The following PAFAH1B1 variants were observed in gnomAD, a reference collection of about 807,000 sequenced individuals.
The protein encoded by PAFAH1B1 is platelet activating factor acetylhydrolase 1b regulatory subunit 1, also known as platelet-activating factor acetylhydrolase IB subunit beta.
Under a neutral mutation model 57.5 loss-of-function variants are expected in PAFAH1B1, and 2 were observed. The ratio of observed to expected loss-of-function variants is 0.03; its 90% CI spans 0.01 to 0.11. The LOEUF is 0.11. Among genes scored for constraint, PAFAH1B1 ranks in the 10% least tolerant of loss-of-function variants. The pLI, the probability that PAFAH1B1 is intolerant of heterozygous loss-of-function variation, is 1.00. For missense variants in PAFAH1B1, 257 were observed against 512.0 expected, an observed-to-expected ratio of 0.50 and a Z score of 4.81; for synonymous variants, 152 against 169.6, an observed-to-expected ratio of 0.90 and a Z score of 0.81.
intron 2 of PAFAH1B1, among the ~76,000 whole-genome samples, chr17:2,659,882 T>G (rs766097105): frequency 2.0e-5 from 3 of 152,164 alleles, no homozygotes; most frequent in Admixed American, 6.6e-5. Flanking sequence ...TTGATTGATA[T>G]CCTGTGGCTG....
chr17:2,645,660 C>G (rs1306429574), intron 2 of PAFAH1B1, among the ~76,000 whole-genome samples: 1 of 149,524 alleles, frequency 6.7e-6, no homozygotes, highest in Admixed American at 6.7e-5. Context: ...GTCCCCCAGG[C>G]TGGAGTGCAG....
At chr17:2,649,148 C>T (rs1032844210) in intron 2 of PAFAH1B1, among the ~76,000 whole-genome samples, 1 of 147,790 alleles carries the variant, frequency 6.8e-6, no homozygotes, top group African/African-American at 2.5e-5. Flanking sequence ...AACTGGGAGG[C>T]AGAGGCTGCA....
At position 2,655,183 on chromosome 17, in the gene PAFAH1B1, ATGTGTGTGTGTG is replaced by A. The variant is rs34493806; in HGVS notation, c.33-10167_33-10156del. Among the ~76,000 whole-genome samples the A allele has an allele frequency of 8.4e-3, 1,215 of 143,924 alleles. 20 individuals are homozygous for A. Among genetic ancestry groups the A allele is most frequent in the East Asian group, 0.036 (179 of 4,946 alleles). 94.4% of individuals were successfully genotyped at this position (143,924 alleles called of 152,430 possible). A position where few individuals can be genotyped will look rare whatever the true frequency, so the allele number is the denominator to read the frequency against. Reference sequence around the variant, plus strand: ...ATTTAAAAAATATATATATACATATATGTGTGTGTGTGTGTGTGTGTGTGTGTGTGTGTTTAT... The same window carrying A: ...ATTTAAAAAATATATATATACATATATGTGTGTGTGTGTGTGTGTGTTTAT... On this transcript the variant is annotated intron_variant, in intron 2 of 10. Coordinates refer to ENST00000397195, the MANE Select transcript of PAFAH1B1 (RefSeq NM_000430.4).
intron 1 of PAFAH1B1, among the ~76,000 whole-genome samples, chr17:2,623,025 G>C (rs1393113020): frequency 6.6e-6 from 1 of 152,178 alleles, no homozygotes; most frequent in Non-Finnish European, 1.5e-5. Context: ...CTGGGACACA[G>C]GGTACCAAGT....
chr17:2,675,758 T>C (rs569764709), intron 8 of PAFAH1B1, among the ~76,000 whole-genome samples: 181 of 152,222 alleles, frequency 1.2e-3, no homozygotes, highest in Non-Finnish European at 2.1e-3. Context: ...GGAAGATTGC[T>C]TGATCCCAGG....
chr17:2,665,323 A>G (rs757227702), intron 2 of PAFAH1B1, 49 bp from the exon 3 acceptor site: 5 of 983,438 alleles, frequency 5.1e-6, no homozygotes, highest in African/African-American at 1.6e-5. Flanking sequence ...ATTTCTTCAG[A>G]ATAGAAATGA....
In PAFAH1B1 at chr17:2,681,550, C is replaced by A. The variant is rs1056246633; in HGVS notation, c.1160-179C>A. ...GTGCAGTCATGGCTCGCTGCAGCCT[C>A]GACTTCCCAGCTCAAACAGTTCTGC... On this transcript the variant is annotated intron_variant, in intron 10 of 10. Transcript: ENST00000397195. 7 of 588,480 alleles carry A rather than the reference C, an allele frequency of 1.2e-5. No homozygotes were observed. In the East Asian group the frequency reaches 1.4e-4, roughly 12 times the overall value. 36.5% of individuals were successfully genotyped at this position (588,480 alleles called of 1,614,324 possible).
At chr17:2,606,311 G>GA (rs1338746095) in intron 1 of PAFAH1B1, among the ~76,000 whole-genome samples, 3 of 152,090 alleles carry the variant, frequency 2.0e-5, no homozygotes, top group Admixed American at 6.6e-5. Flanking sequence ...TTACCTGTCA[G>GA]AAAGCCTATC....
At chr17:2,652,207 G>A (rs9908064) in intron 2 of PAFAH1B1, among the ~76,000 whole-genome samples, 40,578 of 151,758 alleles carry the variant, frequency 0.27, 5,570 homozygotes, top group Non-Finnish European at 0.31. Flanking sequence ...TCAGGAGATC[G>A]AGACCATCCT....
intron 1 of PAFAH1B1, 27 bp from the exon 2 acceptor site, chr17:2,638,072 C>CTTTTTTTTTTT: frequency 4.2e-6 from 2 of 480,928 alleles, no homozygotes; most frequent in Non-Finnish European, 7.4e-6. Context: ...GTGAAATAAT[C>CTTTTTTTTTTT]TTTTTTTTTC....
intron 6 of PAFAH1B1, among the ~76,000 whole-genome samples, chr17:2,671,724 T>C (rs1179214128): frequency 1.3e-5 from 2 of 149,224 alleles, no homozygotes; most frequent in Admixed American, 6.8e-5. Flanking sequence ...CACCTCAGCC[T>C]CCAAAGTAGC....
At chr17:2,665,518 G>T (rs923153776) in intron 3 of PAFAH1B1, 62 bp downstream of exon 3, 1 of 939,658 alleles carries the variant, frequency 1.1e-6, no homozygotes, top group African/African-American at 1.6e-5. Flanking sequence ...TCAAGTATCT[G>T]TAGTTAACAG....
intron 7 of PAFAH1B1, 162 bp from the exon 8 acceptor site, chr17:2,673,898 T>G: frequency 1.6e-6 from 1 of 627,708 alleles, no homozygotes; most frequent in Middle Eastern, 4.3e-4. Context: ...TCTGTTAGCT[T>G]ATTGTTCCTA....
chr17:2,673,504 T>C (rs1266459740), intron 7 of PAFAH1B1, among the ~76,000 whole-genome samples: 1 of 151,980 alleles, frequency 6.6e-6, no homozygotes, highest in African/African-American at 2.4e-5. Context: ...CCGGGCGTGG[T>C]GGCGGGCGCC....
chr17:2,652,283 CGGG>C (rs2068867754), intron 2 of PAFAH1B1, among the ~76,000 whole-genome samples: 1 of 151,880 alleles, frequency 6.6e-6, no homozygotes, highest in African/African-American at 2.4e-5. Flanking sequence ...GGCGTGGTGG[CGGG>C]TGCCTGTAGT....
At chr17:2,618,902 C>G (rs1315314127) in intron 1 of PAFAH1B1, among the ~76,000 whole-genome samples, 3 of 144,422 alleles carry the variant, frequency 2.1e-5, no homozygotes, top group Non-Finnish European at 4.5e-5. Context: ...CTGCAGTGAG[C>G]CGAGATTGTA....
chr17:2,672,081 C>A (rs1235366328), intron 6 of PAFAH1B1, among the ~76,000 whole-genome samples: 2 of 151,878 alleles, frequency 1.3e-5, no homozygotes, highest in East Asian at 3.9e-4. Flanking sequence ...CCAGTGTGAG[C>A]AAAATATGGA....
At chr17:2,624,647 C>A (rs2068465786) in intron 1 of PAFAH1B1, among the ~76,000 whole-genome samples, 1 of 152,184 alleles carries the variant, frequency 6.6e-6, no homozygotes, top group Non-Finnish European at 1.5e-5. Context: ...TTACCTCCCG[C>A]TGGGTCCCTT....
chr17:2,596,678 T>C (rs939180403), intron 1 of PAFAH1B1, among the ~76,000 whole-genome samples: 2 of 152,212 alleles, frequency 1.3e-5, no homozygotes, highest in Non-Finnish European at 2.9e-5. Flanking sequence ...AGGGTTATTA[T>C]GGTGAGGAAA....
Sources: allele counts gnomAD v4.1 joint callset (sites outside exome capture counted in the v4.1 genomes callset), GRCh38; gene constraint gnomAD v4.1.1; transcripts MANE v1.5; gene names NCBI Gene and HGNC (gene_info 2026-07-23, HGNC 2026-07-21).